The following TCF12 variants were observed in gnomAD, a reference collection of about 807,000 sequenced individuals.
TCF12 encodes transcription factor 12.
A neutral mutation model predicts 86.0 loss-of-function variants in TCF12; 45 were observed. That is an observed-to-expected ratio of 0.52 (90% confidence interval 0.41 to 0.67). The LOEUF is 0.67. Ranked by LOEUF, TCF12 falls within the 30% of genes least tolerant of loss-of-function variation. TCF12 has a pLI of 0.00. For synonymous variants in TCF12, 330 were observed against 299.6 expected (o/e 1.10, Z -1.05); for missense variants, 881 against 859.9 (o/e 1.02, Z -0.31).
Position 57,088,990 on chromosome 15 carries a change from T to C in TCF12, c.223-2799T>C, listed in dbSNP as rs375764223. Among the ~76,000 whole-genome samples the C allele has an allele frequency of 1.7e-4, 26 of 152,312 alleles. No homozygotes were observed. In the East Asian group the frequency reaches 4.4e-3, roughly 26 times the overall value. On this transcript the variant is annotated intron_variant, in intron 4 of 20. Coordinates refer to ENST00000333725, the MANE Select transcript of TCF12 (RefSeq NM_207037.2). ...CAAAAGTTATACTATGGGTGGGTAT[T>C]ACTACTACTGTGTGAAAGGAATGAC...
chr15:57,127,006 A>G (rs1311541867), intron 5 of TCF12, among the ~76,000 whole-genome samples: 3 of 142,586 alleles, frequency 2.1e-5, no homozygotes, highest in Admixed American at 7.2e-5. Context: ...TTGGAGAGAG[A>G]GAGTCTTGCT....
At chr15:57,196,196 T>C (rs983518835) in intron 7 of TCF12, among the ~76,000 whole-genome samples, 1 of 152,068 alleles carries the variant, frequency 6.6e-6, no homozygotes, top group Admixed American at 6.6e-5. Context: ...GGTGATTGCA[T>C]CTGTACTGAA....
intron 5 of TCF12, among the ~76,000 whole-genome samples, chr15:57,144,120 G>A (rs1244034717): frequency 6.6e-6 from 1 of 152,210 alleles, no homozygotes; most frequent in African/African-American, 2.4e-5. Flanking sequence ...ACAGTGGAGT[G>A]TAATGAAGAT....
chr15:57,279,481 G>T (rs1311911875), intron 19 of TCF12, among the ~76,000 whole-genome samples: 1 of 152,162 alleles, frequency 6.6e-6, no homozygotes, highest in Non-Finnish European at 1.5e-5. Context: ...GCACACATTT[G>T]CCGTGGTCTG....
chr15:57,270,857 C>A (rs192284967), intron 18 of TCF12, among the ~76,000 whole-genome samples: 19 of 152,330 alleles, frequency 1.2e-4, no homozygotes, highest in Middle Eastern at 3.4e-3. Flanking sequence ...GCTGGAGGTC[C>A]ACTCCAGACC....
chr15:57,276,709 A>G (rs2152113245), intron 19 of TCF12, among the ~76,000 whole-genome samples: 1 of 152,316 alleles, frequency 6.6e-6, no homozygotes, highest in South Asian at 2.1e-4. Context: ...AGCGTTCTGG[A>G]CAGTAGTACT....
chr15:57,201,533 AC>A (rs2057543244), intron 8 of TCF12, among the ~76,000 whole-genome samples: 1 of 152,042 alleles, frequency 6.6e-6, no homozygotes, highest in African/African-American at 2.4e-5. Flanking sequence ...ACAAGTTGCA[AC>A]CTTTGTAATT....
intron 5 of TCF12, among the ~76,000 whole-genome samples, chr15:57,160,985 C>T (rs756594643): frequency 6.6e-6 from 1 of 152,082 alleles, no homozygotes; most frequent in Non-Finnish European, 1.5e-5. Flanking sequence ...CCACAGCACC[C>T]GGCCAGAAGC....
intron 3 of TCF12, 76 bp downstream of exon 3, chr15:56,921,174 CATTT>C: frequency 9.3e-7 from 1 of 1,080,176 alleles, no homozygotes; most frequent in Middle Eastern, 2.1e-4. Flanking sequence ...GAAAGCATAA[CATTT>C]AAATATTATT....
chr15:57,082,210 T>C (rs1196804122), intron 4 of TCF12, among the ~76,000 whole-genome samples: 1 of 152,202 alleles, frequency 6.6e-6, no homozygotes, highest in East Asian at 1.9e-4. Context: ...TACCAAGATA[T>C]GCAGTACTAT....
At chr15:57,013,830 T>C (rs181129623) in intron 3 of TCF12, among the ~76,000 whole-genome samples, 209 of 152,366 alleles carry the variant, frequency 1.4e-3, no homozygotes, top group African/African-American at 4.8e-3. Flanking sequence ...AGATATAATT[T>C]GGATGTTTGG....
At chr15:57,004,845 G>A (rs778068893) in intron 3 of TCF12, among the ~76,000 whole-genome samples, 5 of 152,138 alleles carry the variant, frequency 3.3e-5, no homozygotes, top group African/African-American at 4.8e-5. Flanking sequence ...ATGAGCCACC[G>A]CACCCGGCCC....
intron 3 of TCF12, among the ~76,000 whole-genome samples, chr15:57,048,234 GT>G (rs560607201): frequency 4.7e-4 from 72 of 151,736 alleles, no homozygotes; most frequent in Non-Finnish European, 8.8e-4. Context: ...CTCCCCTGAA[GT>G]TTTTTTGTTT....
At position 56,937,363 on chromosome 15, in the gene TCF12, CT is replaced by C. The variant is rs538337171; in HGVS notation, c.148+16278del. Reference sequence around the variant, plus strand: ...TGAATTCATGTATGAGTTCTAGGAACTTTTTTTTTTTTTGAGACGGAGTCAT... The same window carrying C: ...TGAATTCATGTATGAGTTCTAGGAACTTTTTTTTTTTTGAGACGGAGTCAT... On this transcript the variant is annotated intron_variant, in intron 3 of 20. Transcript: ENST00000333725. Among the ~76,000 whole-genome samples the C allele has an allele frequency of 7.2e-3, 1,035 of 144,412 alleles. 6 individuals are homozygous for C. Among genetic ancestry groups the C allele is most frequent in the African/African-American group, 0.015 (609 of 39,744 alleles). The allele number at this position is 144,412 out of a possible 152,430, so 94.7% of individuals were successfully genotyped here.
chr15:57,153,490 A>T (rs2053906026), intron 5 of TCF12, among the ~76,000 whole-genome samples: 1 of 152,240 alleles, frequency 6.6e-6, no homozygotes, highest in Non-Finnish European at 1.5e-5. Flanking sequence ...GGTAATAATG[A>T]AAGTAAATAT....
intron 5 of TCF12, among the ~76,000 whole-genome samples, chr15:57,118,586 A>T (rs984480039): frequency 6.6e-6 from 1 of 152,074 alleles, no homozygotes; most frequent in Admixed American, 6.6e-5. Context: ...AAAAATTTTT[A>T]CCATTTTTCA....
Position 57,060,698 on chromosome 15 carries a change from T to A in TCF12, c.149-3052T>A, listed in dbSNP as rs2068397212. Among the ~76,000 whole-genome samples the A allele has an allele frequency of 6.6e-5, 10 of 152,378 alleles. No individual in the cohort carries two copies. In the South Asian group the frequency reaches 2.1e-3, roughly 32 times the overall value. ...TCAGAAATAACAGGAAAAATGTTAC[T>A]TCTCATCACTGTATTGCAACTGTGG... is the stretch of plus-strand genomic sequence containing the variant. On this transcript the variant is annotated intron_variant, in intron 3 of 20. Transcript: ENST00000333725.
At chr15:56,947,404 C>T (rs1407926251) in intron 3 of TCF12, among the ~76,000 whole-genome samples, 1 of 152,164 alleles carries the variant, frequency 6.6e-6, no homozygotes, top group Non-Finnish European at 1.5e-5. Context: ...TAGACCTCTG[C>T]TGTGCAAATT....
chr15:56,992,391 T>A (rs2140976977), intron 3 of TCF12, among the ~76,000 whole-genome samples: 1 of 152,380 alleles, frequency 6.6e-6, no homozygotes, highest in Middle Eastern at 3.4e-3. Context: ...AACTAAATTT[T>A]ACAGCTTTTG....
Sources: allele counts gnomAD v4.1 joint callset (sites outside exome capture counted in the v4.1 genomes callset), GRCh38; gene constraint gnomAD v4.1.1; transcripts MANE v1.5; gene names NCBI Gene and HGNC (gene_info 2026-07-23, HGNC 2026-07-21).